Variants in AKT3 observed in about 807,000 individuals in gnomAD.
AKT3 encodes the protein RAC-gamma serine/threonine-protein kinase.
Under a neutral mutation model 65.3 loss-of-function variants are expected in AKT3, and 15 were observed. That is an observed-to-expected ratio of 0.23 (90% CI 0.15 to 0.35). The LOEUF is 0.35. AKT3 is among the 10% of genes least tolerant of loss of function. The pLI is 1.00. For missense variants in AKT3, 243 were observed against 576.5 expected (o/e 0.42, Z 5.92); for synonymous variants, 206 against 183.8 (o/e 1.12, Z -0.98).
At chr1:243,630,065 G>A (rs1003485395) in intron 6 of AKT3, among the ~76,000 whole-genome samples, 5 of 152,130 alleles carry the variant, frequency 3.3e-5, no homozygotes, top group African/African-American at 7.2e-5. Flanking sequence ...GGAAATAGAC[G>A]TTTACAGTGG....
At chr1:243,587,078 A>G (rs1675865523) in intron 8 of AKT3, among the ~76,000 whole-genome samples, 2 of 152,202 alleles carry the variant, frequency 1.3e-5, no homozygotes, top group South Asian at 4.1e-4. Context: ...GCTACAAATT[A>G]TTAATGTATA....
chr1:243,685,372 GTCC>G (rs1276688190), intron 3 of AKT3, among the ~76,000 whole-genome samples: 1 of 152,066 alleles, frequency 6.6e-6, no homozygotes, highest in Admixed American at 6.6e-5. Flanking sequence ...TAAGGAAGGG[GTCC>G]AGTTTCAGTT....
chr1:243,724,665 C>CT (rs1687104007), intron 2 of AKT3, among the ~76,000 whole-genome samples: 1 of 152,140 alleles, frequency 6.6e-6, no homozygotes, highest in South Asian at 2.1e-4. Context: ...GAAAACTACA[C>CT]TTTTACCAAG....
chr1:243,640,562 T>C (rs1680300283), intron 5 of AKT3, among the ~76,000 whole-genome samples: 1 of 152,174 alleles, frequency 6.6e-6, no homozygotes, highest in African/African-American at 2.4e-5. Flanking sequence ...TTAGTCCATA[T>C]TATCCTGCTG....
chr1:243,793,776 CA>C (rs34262576), intron 2 of AKT3, among the ~76,000 whole-genome samples: 16,911 of 129,548 alleles, frequency 0.13, 1,305 homozygotes, highest in East Asian at 0.32. Flanking sequence ...AAAACTGTCT[CA>C]AAAAAAAAAA....
At position 243,824,405 on chromosome 1, in the gene AKT3, C is replaced by T. The variant is rs141653192; in HGVS notation, c.46+18720G>A. ...CAATTGCAACAAAAGCAAAAATTGA[C>T]GACTGGGATCTAATTAAACTAAAGA... is the stretch of plus-strand genomic sequence containing the variant. On this transcript the variant is annotated intron_variant, in intron 2 of 13. Coordinates refer to ENST00000673466, the MANE Select transcript of AKT3 (RefSeq NM_005465.7). Among the ~76,000 whole-genome samples the T allele has an allele frequency of 2.3e-3, 355 of 152,154 alleles. 2 individuals are homozygous for T. The highest frequency in any genetic ancestry group is 3.4e-3 in the Non-Finnish European group (233 of 67,984).
intron 2 of AKT3, among the ~76,000 whole-genome samples, chr1:243,715,664 T>G (rs965743456): frequency 1.3e-5 from 2 of 151,994 alleles, no homozygotes; most frequent in Non-Finnish European, 2.9e-5. Context: ...ACATAATAAC[T>G]CTTCTTGTTA....
chr1:243,659,622 C>A (rs1682121735), intron 4 of AKT3, among the ~76,000 whole-genome samples: 1 of 151,860 alleles, frequency 6.6e-6, no homozygotes, highest in African/African-American at 2.4e-5. Flanking sequence ...ATGTGTTATC[C>A]ACAATCAGTG....
In AKT3 at chr1:243,641,321, T is replaced by C. The variant is rs557661731; in HGVS notation, c.430-3579A>G. On this transcript the variant is annotated intron_variant, in intron 5 of 13. Coordinates refer to ENST00000673466, the MANE Select transcript of AKT3 (RefSeq NM_005465.7). ...ACACACACATACATATATACACACA[T>C]ATATATATATATATTATTAATTCTG... Among the ~76,000 whole-genome samples, 631 of 147,558 alleles carry C rather than the reference T, an allele frequency of 4.3e-3. 4 individuals are homozygous for C. Among genetic ancestry groups the C allele is most frequent in the African/African-American group, 0.012 (482 of 40,208 alleles).
At chr1:243,587,860 G>C (rs76680399) in intron 8 of AKT3, among the ~76,000 whole-genome samples, 3,651 of 152,168 alleles carry the variant, frequency 0.024, 66 homozygotes, top group Non-Finnish European at 0.039. Context: ...TGAGTGAAAA[G>C]TCAACAGGAC....
chr1:243,830,926 C>T (rs1267257862), intron 2 of AKT3, among the ~76,000 whole-genome samples: 1 of 152,178 alleles, frequency 6.6e-6, no homozygotes, highest in Admixed American at 6.5e-5. Context: ...CCTACCCTGT[C>T]AGTTCTGTTT....
Position 243,613,859 on chromosome 1 carries a change from T to G in AKT3, c.628-120A>C, listed in dbSNP as rs1023480590. 10 of 578,328 alleles carry G rather than the reference T, an allele frequency of 1.7e-5. No individual in the cohort carries two copies. In the African/African-American group the frequency reaches 1.9e-4, roughly 11 times the overall value. 35.8% of individuals were successfully genotyped at this position (578,328 alleles called of 1,614,324 possible). ...TGAAAGATGAAAAGAATTGTTATTG[T>G]TTAAGAGTTTATTTACTACTTAAAA... On this transcript the variant is annotated intron_variant, in intron 7 of 13. Coordinates refer to ENST00000673466, the MANE Select transcript of AKT3 (RefSeq NM_005465.7).
intron 2 of AKT3, among the ~76,000 whole-genome samples, chr1:243,743,830 G>A (rs1194761762): frequency 6.6e-6 from 1 of 152,118 alleles, no homozygotes; most frequent in South Asian, 2.1e-4. Context: ...AGCAACCATA[G>A]GAAGAGGCCC....
chr1:243,534,817 T>C (rs913644778), intron 12 of AKT3, among the ~76,000 whole-genome samples: 1 of 152,090 alleles, frequency 6.6e-6, no homozygotes, highest in African/African-American at 2.4e-5. Flanking sequence ...ACATCAAAAT[T>C]TGTGAGATAC....
intron 8 of AKT3, among the ~76,000 whole-genome samples, chr1:243,595,048 C>T (rs1676502921): frequency 6.6e-6 from 1 of 152,162 alleles, no homozygotes; most frequent in Admixed American, 6.5e-5. Context: ...TACAGTCATG[C>T]ACTGCTTAAT....
chr1:243,772,620 A>T (rs928805722), intron 2 of AKT3, among the ~76,000 whole-genome samples: 4 of 152,216 alleles, frequency 2.6e-5, no homozygotes, highest in Admixed American at 6.5e-5. Flanking sequence ...ATTGTGGAAG[A>T]CAGTGTGGCG....
chr1:243,795,427 G>A (rs541151415), intron 2 of AKT3, among the ~76,000 whole-genome samples: 12 of 149,036 alleles, frequency 8.1e-5, no homozygotes, highest in East Asian at 4.0e-4. Flanking sequence ...TAGTTCAGGC[G>A]TAGGTTTCCC....
At chr1:243,757,900 A>C (rs1424055146) in intron 2 of AKT3, among the ~76,000 whole-genome samples, 2 of 151,970 alleles carry the variant, frequency 1.3e-5, no homozygotes, top group Admixed American at 6.6e-5. Flanking sequence ...AGCTGGGACT[A>C]CAGGTACACG....
intron 2 of AKT3, among the ~76,000 whole-genome samples, chr1:243,817,627 G>A (rs552793288): frequency 3.3e-5 from 5 of 152,308 alleles, no homozygotes; most frequent in Admixed American, 2.6e-4. Flanking sequence ...TGTAGTCCCA[G>A]CTACTGAGGA....
Sources: gnomAD v4.1 joint callset for allele counts (sites outside exome capture counted in the v4.1 genomes callset) on GRCh38, gnomAD v4.1.1 for gene constraint, MANE v1.5 for transcripts, NCBI Gene and HGNC (gene_info 2026-07-23, HGNC 2026-07-21) for gene names.